RBFOX1: variants seen among roughly 807,000 people sequenced by gnomAD.
The protein encoded by RBFOX1 is RNA binding protein fox-1 homolog 1.
A neutral mutation model predicts 57.7 loss-of-function variants in RBFOX1; 8 were observed. That is an observed-to-expected ratio of 0.14 (90% CI 0.08 to 0.25). The LOEUF is 0.25. Ranked by LOEUF, RBFOX1 falls within the 10% of genes least tolerant of loss-of-function variation. RBFOX1 has a pLI of 1.00. For synonymous variants in RBFOX1, 326 were observed against 222.4 expected (o/e 1.47, Z -4.15); for missense variants, 611 against 548.5 (o/e 1.11, Z -1.14).
At chr16:5,416,665 C>A (rs1369073296) in intron 1 of RBFOX1, among the ~76,000 whole-genome samples, 1 of 150,874 alleles carries the variant, frequency 6.6e-6, no homozygotes, top group Non-Finnish European at 1.5e-5. Context: ...CGATTGTTCC[C>A]TGTATGTAAT....
intron 2 of RBFOX1, among the ~76,000 whole-genome samples, chr16:6,576,330 A>G (rs1301374228): frequency 6.6e-6 from 1 of 152,172 alleles, no homozygotes; most frequent in Non-Finnish European, 1.5e-5. Flanking sequence ...AAACACGCAC[A>G]TCTTTGGGAT....
chr16:7,087,929 A>G lies in RBFOX1; in HGVS notation c.27+35831A>G, dbSNP rs73540781. Among the ~76,000 whole-genome samples the G allele has an allele frequency of 2.3e-3, 345 of 151,766 alleles. 4 individuals carry two copies. The highest frequency in any genetic ancestry group is 7.6e-3 in the African/African-American group (313 of 41,354). On this transcript the variant is annotated intron_variant, in intron 4 of 15. Transcript: ENST00000550418. ...CTCTCTCGCTCTCTCTTTCTCTCTGATTAATAAATTGACTTTGGGGATAAA... is the reference window on the plus strand; with the variant it reads ...CTCTCTCGCTCTCTCTTTCTCTCTGGTTAATAAATTGACTTTGGGGATAAA...
chr16:6,279,087 A>C (rs1357634637), intron 1 of RBFOX1, among the ~76,000 whole-genome samples: 1 of 152,140 alleles, frequency 6.6e-6, no homozygotes, highest in Non-Finnish European at 1.5e-5. Flanking sequence ...ATTGATTTTT[A>C]TACCACCTCT....
At chr16:6,843,838 T>C (rs2093621355) in intron 3 of RBFOX1, among the ~76,000 whole-genome samples, 1 of 152,174 alleles carries the variant, frequency 6.6e-6, no homozygotes. Flanking sequence ...AGGTTGAAGT[T>C]CTCCTGAACT....
At chr16:7,533,303 A>T (rs921075563) in intron 5 of RBFOX1, among the ~76,000 whole-genome samples, 3 of 152,222 alleles carry the variant, frequency 2.0e-5, no homozygotes, top group African/African-American at 7.2e-5. Context: ...GAAAATGAAA[A>T]ATGTGTTTGT....
At position 7,182,412 on chromosome 16, in the gene RBFOX1, G is replaced by A. The variant is rs140927335; in HGVS notation, c.27+130314G>A. On this transcript the variant is annotated intron_variant, in intron 4 of 15. Transcript: ENST00000550418. ...CCTCACATTGAAGCCTGATGAATTC[G>A]TTCATGTTCTTGGCTCGAAAGTTCT... is the stretch of plus-strand genomic sequence containing the variant. 5.0e-4 allele frequency among the ~76,000 whole-genome samples: 76 copies of A among 152,234 alleles called. 1 individual carries two copies. Among genetic ancestry groups the A allele is most frequent in the African/African-American group, 1.8e-3 (74 of 41,544 alleles).
intron 4 of RBFOX1, among the ~76,000 whole-genome samples, chr16:7,424,405 G>C (rs182622013): frequency 2.1e-3 from 323 of 152,190 alleles, no homozygotes; most frequent in African/African-American, 7.1e-3. Context: ...GAATACAGAA[G>C]GGCATCATCA....
At chr16:6,134,577 A>T (rs2152685147) in intron 1 of RBFOX1, among the ~76,000 whole-genome samples, 1 of 152,160 alleles carries the variant, frequency 6.6e-6, no homozygotes, top group African/African-American at 2.4e-5. Context: ...GTTCTGCCCT[A>T]CTCAGAAGGT....
At chr16:6,226,374 C>CAAAAAAAAAAAAAAAAA (rs368116983) in intron 1 of RBFOX1, among the ~76,000 whole-genome samples, 1 of 86,564 alleles carries the variant, frequency 1.2e-5, no homozygotes, top group Non-Finnish European at 2.0e-5. Flanking sequence ...ACTCTGTCTC[C>CAAAAAAAAAAAAAAAAA]AAAAAAAAAA....
chr16:6,757,012 A>G (rs1016541267), intron 3 of RBFOX1, among the ~76,000 whole-genome samples: 1 of 126,344 alleles, frequency 7.9e-6, no homozygotes, highest in Non-Finnish European at 1.7e-5. Context: ...ACAAACAAAC[A>G]AAAAACATAC....
intron 1 of RBFOX1, among the ~76,000 whole-genome samples, chr16:6,219,944 C>G (rs2097361144): frequency 6.6e-6 from 1 of 152,106 alleles, no homozygotes; most frequent in Non-Finnish European, 1.5e-5. Context: ...ACATGAAAAG[C>G]TCTTAGCACA....
chr16:5,318,672 C>T (rs750748367), intron 1 of RBFOX1, among the ~76,000 whole-genome samples: 2 of 152,188 alleles, frequency 1.3e-5, no homozygotes, highest in South Asian at 2.1e-4. Flanking sequence ...CTAAGATGGT[C>T]CCTCAAGATT....
chr16:7,241,236 T>C (rs1317268195), intron 4 of RBFOX1, among the ~76,000 whole-genome samples: 1 of 152,152 alleles, frequency 6.6e-6, no homozygotes, highest in Non-Finnish European at 1.5e-5. Flanking sequence ...GAGTTTTTAT[T>C]CTCATTAGCT....
At chr16:6,887,345 G>C (rs957999507) in intron 3 of RBFOX1, among the ~76,000 whole-genome samples, 2 of 152,148 alleles carry the variant, frequency 1.3e-5, no homozygotes, top group Non-Finnish European at 2.9e-5. Context: ...AGTAAAGTAA[G>C]TTGAGAAGTT....
chr16:5,521,452 C>T (rs897062993), intron 2 of RBFOX1, among the ~76,000 whole-genome samples: 1 of 152,150 alleles, frequency 6.6e-6, no homozygotes, highest in African/African-American at 2.4e-5. Flanking sequence ...AAGGCTGTGG[C>T]ACATATCTCT....
chr16:5,325,536 A>G (rs1023819639), intron 1 of RBFOX1, among the ~76,000 whole-genome samples: 23 of 152,228 alleles, frequency 1.5e-4, no homozygotes, highest in Non-Finnish European at 2.5e-4. Flanking sequence ...CACTATAGTC[A>G]GGGTAAAGAA....
intron 5 of RBFOX1, among the ~76,000 whole-genome samples, chr16:7,574,264 T>G (rs571609999): frequency 2.0e-5 from 3 of 152,294 alleles, no homozygotes; most frequent in African/African-American, 7.2e-5. Flanking sequence ...GACTTAAGTG[T>G]TCTCTTTGGA....
chr16:6,468,318 G>A (rs1258657502), intron 2 of RBFOX1, among the ~76,000 whole-genome samples: 5 of 152,168 alleles, frequency 3.3e-5, no homozygotes, highest in Non-Finnish European at 7.3e-5. Context: ...AGAATGGCAA[G>A]GCTACATTCA....
At chr16:6,428,976 C>T (rs1367951851) in intron 2 of RBFOX1, among the ~76,000 whole-genome samples, 1 of 152,182 alleles carries the variant, frequency 6.6e-6, no homozygotes, top group Admixed American at 6.5e-5. Flanking sequence ...GGACCTGCGG[C>T]GTGCACAGAC....
Sources: gnomAD v4.1 joint callset for allele counts (sites outside exome capture counted in the v4.1 genomes callset) on GRCh38, gnomAD v4.1.1 for gene constraint, MANE v1.5 for transcripts, NCBI Gene and HGNC (gene_info 2026-07-23, HGNC 2026-07-21) for gene names.